JAM3: variants seen among roughly 807,000 people sequenced by gnomAD.
JAM3 encodes the protein junctional adhesion molecule 3.
A neutral mutation model predicts 39.4 loss-of-function variants in JAM3; 31 were observed. The ratio of observed to expected loss-of-function variants is 0.79; its 90% confidence interval spans 0.59 to 1.06. The LOEUF is 1.06. Among genes scored for constraint, JAM3 ranks in the 50% least tolerant of loss-of-function variants. The pLI is 0.00. For synonymous variants in JAM3, 182 were observed against 148.7 expected (o/e 1.22, Z -1.63); for missense variants, 455 against 391.4 (o/e 1.16, Z -1.37).
intron 1 of JAM3, among the ~76,000 whole-genome samples, chr11:134,135,284 T>C (rs1390087031): frequency 6.6e-6 from 1 of 152,244 alleles, no homozygotes; most frequent in Non-Finnish European, 1.5e-5. Context: ...CCTTTCTCCA[T>C]TAAATGATGT....
At chr11:134,092,642 C>T (rs1303273375) in intron 1 of JAM3, among the ~76,000 whole-genome samples, 1 of 135,642 alleles carries the variant, frequency 7.4e-6, no homozygotes, top group African/African-American at 2.8e-5. Context: ...TCTTATTCAT[C>T]ATGTTCCATC....
intron 1 of JAM3, among the ~76,000 whole-genome samples, chr11:134,134,418 A>AAAAAAAAAT (rs1942825717): frequency 6.6e-6 from 1 of 151,448 alleles, no homozygotes; most frequent in African/African-American, 2.4e-5. Context: ...AAAAAAAAAA[A>AAAAAAAAAT]AAAACATCTA....
chr11:134,125,444 T>TG (rs1328169715), intron 1 of JAM3, among the ~76,000 whole-genome samples: 1 of 152,256 alleles, frequency 6.6e-6, no homozygotes, highest in African/African-American at 2.4e-5. Context: ...CCACTTTATT[T>TG]GTTGCTTTCT....
At chr11:134,128,904 T>C (rs537881385) in intron 1 of JAM3, among the ~76,000 whole-genome samples, 5 of 152,286 alleles carry the variant, frequency 3.3e-5, no homozygotes, top group African/African-American at 1.2e-4. Context: ...TCTGTATTAG[T>C]TTACTAGGAG....
chr11:134,117,977 G>GC lies in JAM3; in HGVS notation c.77-21873dup, dbSNP rs570772662. ...TGTAACTTTGAATTATTTTTTTGTA[G>GC]CATATGAGAGCACACATTCCTCTCT... On this transcript the variant is annotated intron_variant, in intron 1 of 8. Transcript: ENST00000299106. 3.9e-5 allele frequency among the ~76,000 whole-genome samples: 6 copies of GC among 152,254 alleles called. No homozygotes were observed. In the East Asian group the frequency reaches 1.2e-3, roughly 29 times the overall value.
At chr11:134,115,857 A>G (rs1942419707) in intron 1 of JAM3, among the ~76,000 whole-genome samples, 1 of 152,158 alleles carries the variant, frequency 6.6e-6, no homozygotes, top group Admixed American at 6.6e-5. Context: ...TGATTGCGCC[A>G]CTACACTCAA....
chr11:134,107,182 G>A (rs548459886), intron 1 of JAM3, among the ~76,000 whole-genome samples: 46 of 152,202 alleles, frequency 3.0e-4, no homozygotes, highest in African/African-American at 9.9e-4. Flanking sequence ...GTCCTTTGTC[G>A]GGATATGGAT....
At chr11:134,148,981 C>T (rs1024307744) in intron 8 of JAM3, among the ~76,000 whole-genome samples, 163 bp downstream of exon 8, 9 of 151,912 alleles carry the variant, frequency 5.9e-5, no homozygotes, top group Non-Finnish European at 1.2e-4. Context: ...CACACACACA[C>T]ACACACACAC....
intron 1 of JAM3, among the ~76,000 whole-genome samples, chr11:134,120,720 T>G (rs1168119623): frequency 1.3e-5 from 2 of 152,086 alleles, no homozygotes; most frequent in South Asian, 2.1e-4. Flanking sequence ...GGGAGTTCAG[T>G]TTTTCATGGA....
At chr11:134,115,078 C>T (rs1158245088) in intron 1 of JAM3, among the ~76,000 whole-genome samples, 1 of 152,108 alleles carries the variant, frequency 6.6e-6, no homozygotes, top group African/African-American at 2.4e-5. Flanking sequence ...GAATTGACCT[C>T]TTTATCGATT....
In JAM3 at chr11:134,144,901, G is replaced by GT; in HGVS notation, c.520dup (p.Tyr174LeufsTer4). The stretch of plus-strand genomic sequence containing the variant: ...GCCACCCCCGGCCTCACTACAGCTG[G>GT]TATCGCAATGATGTACCACTGCCCA... On this transcript the variant is annotated frameshift_variant, in exon 5 of 9. Coordinates refer to ENST00000299106, the MANE Select transcript of JAM3 (RefSeq NM_032801.5). LOFTEE classifies it high-confidence loss of function. 6.2e-7 allele frequency: 1 copy of GT among 1,614,154 alleles called. No individual in the cohort carries two copies. Among genetic ancestry groups the GT allele is most frequent in the Non-Finnish European group, 8.5e-7 (1 of 1,179,990 alleles).
chr11:134,107,950 G>C (rs976743193), intron 1 of JAM3, among the ~76,000 whole-genome samples: 2 of 151,710 alleles, frequency 1.3e-5, no homozygotes, highest in African/African-American at 4.8e-5. Flanking sequence ...GATAATAAAG[G>C]TAAAAGCAGA....
intron 1 of JAM3, 107 bp downstream of exon 1, chr11:134,069,266 T>G: frequency 2.1e-6 from 3 of 1,436,440 alleles, no homozygotes; most frequent in Non-Finnish European, 9.5e-7. Context: ...CGGTCCTGGC[T>G]CCGAGGGCTC....
chr11:134,144,567 T>G (rs1024313733), intron 4 of JAM3, among the ~76,000 whole-genome samples, 174 bp downstream of exon 4: 2 of 152,118 alleles, frequency 1.3e-5, no homozygotes, highest in African/African-American at 4.8e-5. Flanking sequence ...AGAAGGGAAG[T>G]GAAGTTCCTG....
chr11:134,080,951 A>G (rs188761518), intron 1 of JAM3, among the ~76,000 whole-genome samples: 129 of 152,310 alleles, frequency 8.5e-4, no homozygotes, highest in Non-Finnish European at 1.6e-3. Context: ...GTGGTCTCAG[A>G]TGGAGATTAG....
intron 1 of JAM3, among the ~76,000 whole-genome samples, chr11:134,112,099 TTTA>T (rs1942323561): frequency 6.6e-6 from 1 of 152,210 alleles, no homozygotes; most frequent in African/African-American, 2.4e-5. Flanking sequence ...AATTTATTTA[TTTA>T]TTGAGACAGA....
chr11:134,093,969 T>C (rs77522027), intron 1 of JAM3, among the ~76,000 whole-genome samples: 1 of 123,476 alleles, frequency 8.1e-6, no homozygotes, highest in African/African-American at 3.0e-5. Context: ...CCACCTTAAA[T>C]GTCACTTCCT....
chr11:134,131,349 C>G, intron 1 of JAM3, among the ~76,000 whole-genome samples: 1 of 151,822 alleles, frequency 6.6e-6, no homozygotes, highest in East Asian at 1.9e-4. Flanking sequence ...CCTCAGTGAC[C>G]AAACTTGAAA....
chr11:134,148,958 A>T (rs1360813051), intron 8 of JAM3, 140 bp downstream of exon 8: 17 of 267,556 alleles, frequency 6.4e-5, no homozygotes, highest in Non-Finnish European at 1.0e-4. Context: ...TCACAGTAAC[A>T]CACACACACA....
Sources: gnomAD v4.1 joint callset for allele counts (sites outside exome capture counted in the v4.1 genomes callset) on GRCh38, gnomAD v4.1.1 for gene constraint, MANE v1.5 for transcripts, NCBI Gene and HGNC (gene_info 2026-07-23, HGNC 2026-07-21) for gene names.